The following PSPC1 variants were observed in gnomAD, a reference collection of about 807,000 sequenced individuals.
PSPC1 encodes paraspeckle component 1, also known as paraspeckle protein 1.
A neutral mutation model predicts 51.6 loss-of-function variants in PSPC1; 14 were observed. The ratio of observed to expected loss-of-function variants is 0.27; its 90% CI spans 0.18 to 0.42. The LOEUF is 0.42. PSPC1 is among the 10% of genes least tolerant of loss of function. The pLI is 1.00. For missense variants in PSPC1, 406 were observed against 701.1 expected, an observed-to-expected ratio of 0.58 and a Z score of 4.75; for synonymous variants, 193 against 231.9, an observed-to-expected ratio of 0.83 and a Z score of 1.53.
At chr13:19,724,770 G>A (rs767245177) in intron 6 of PSPC1, among the ~76,000 whole-genome samples, 8 of 152,104 alleles carry the variant, frequency 5.3e-5, no homozygotes, top group Non-Finnish European at 7.4e-5. Flanking sequence ...GAGGCCGAGC[G>A]GGCGGATCAC....
intron 5 of PSPC1, among the ~76,000 whole-genome samples, chr13:19,733,993 G>A (rs1036583730): frequency 1.1e-4 from 17 of 151,924 alleles, no homozygotes; most frequent in Admixed American, 2.0e-4. Context: ...ATAGAAGAGG[G>A]TATGAAAAAG....
downstream of PSPC1, chr13:19,702,359 T>C (rs1225963723): frequency 2.0e-5 from 3 of 150,842 alleles, no homozygotes; most frequent in African/African-American, 7.2e-5. Flanking sequence ...AACAGTATTG[T>C]TTTATTTTAA....
At chr13:19,730,150 A>G (rs1883864173) in intron 6 of PSPC1, 89 bp downstream of exon 6, 1 of 1,027,296 alleles carries the variant, frequency 9.7e-7, no homozygotes, top group African/African-American at 1.6e-5. Context: ...AGAAAAGACT[A>G]CTGTATAAAC....
chr13:19,690,893 T>C (rs1476497295), intron 6 of PSPC1, among the ~76,000 whole-genome samples: 1 of 152,226 alleles, frequency 6.6e-6, no homozygotes, highest in Non-Finnish European at 1.5e-5. Flanking sequence ...ATTCTTACTC[T>C]GACCCTTTAG....
intron 3 of PSPC1, among the ~76,000 whole-genome samples, chr13:19,754,888 A>G (rs575337855): frequency 6.6e-6 from 1 of 152,316 alleles, no homozygotes; most frequent in East Asian, 1.9e-4. Flanking sequence ...ATGGTGACCT[A>G]TAACAAGGAA....
downstream of PSPC1, among the ~76,000 whole-genome samples, chr13:19,700,380 T>A (rs1879755918): frequency 6.6e-6 from 1 of 152,108 alleles, no homozygotes. Flanking sequence ...ATTGTTCCCC[T>A]AATATTATTG....
Position 19,769,679 on chromosome 13 carries a change from G to A in PSPC1, c.674+2563C>T, listed in dbSNP as rs1326601990. ...GAACCCGGGAGGCAGACGTTGCAGC[G>A]AGCTGAGATCGCGCCATTGCACTCC... On this transcript the variant is annotated intron_variant, in intron 2 of 8. Coordinates refer to ENST00000338910, the MANE Select transcript of PSPC1 (RefSeq NM_001354909.2). 3.9e-5 allele frequency among the ~76,000 whole-genome samples: 6 copies of A among 152,228 alleles called. No homozygotes were observed. In the South Asian group the frequency reaches 1.0e-3, roughly 26 times the overall value.
rs1045335945 is a variant in PSPC1, at chr13:19,734,396, C to T, written c.1053-4052G>A. On this transcript the variant is annotated intron_variant, in intron 5 of 8. Coordinates refer to ENST00000338910, the MANE Select transcript of PSPC1 (RefSeq NM_001354909.2). ...AATATTCTTGCAGGATTCTGAAAGA[C>T]GCCTACTGGATGAAACCTCCTTGCT... 2.0e-5 allele frequency among the ~76,000 whole-genome samples: 3 copies of T among 152,198 alleles called. No individual in the cohort carries two copies. In the East Asian group the frequency reaches 5.8e-4, roughly 29 times the overall value.
intron 6 of PSPC1, among the ~76,000 whole-genome samples, chr13:19,709,980 G>A (rs1241117318): frequency 1.4e-4 from 21 of 152,238 alleles, no homozygotes; most frequent in African/African-American, 5.1e-4. Context: ...GGTCACTGAA[G>A]TCTTAAAATA....
intron 5 of PSPC1, among the ~76,000 whole-genome samples, chr13:19,735,107 T>A (rs905752958): frequency 6.6e-6 from 1 of 151,598 alleles, no homozygotes; most frequent in African/African-American, 2.4e-5. Flanking sequence ...AGGTCAAGGG[T>A]TTGCGACCAG....
intron 1 of PSPC1, among the ~76,000 whole-genome samples, chr13:19,772,792 G>A (rs1017966290): frequency 7.2e-5 from 11 of 152,086 alleles, no homozygotes; most frequent in Admixed American, 2.0e-4. Context: ...TCTTCATAAG[G>A]CCAGTTACCA....
At chr13:19,714,996 T>G (rs1231001284) in intron 6 of PSPC1, among the ~76,000 whole-genome samples, 1 of 152,190 alleles carries the variant, frequency 6.6e-6, no homozygotes, top group Non-Finnish European at 1.5e-5. Context: ...CAACCATTTT[T>G]TATAGAGCAA....
chr13:19,710,302 C>T (rs925532944), intron 6 of PSPC1, among the ~76,000 whole-genome samples: 2 of 152,168 alleles, frequency 1.3e-5, no homozygotes, highest in African/African-American at 2.4e-5. Context: ...AATTTCATTA[C>T]AGAAACTGCT....
intron 2 of PSPC1, among the ~76,000 whole-genome samples, chr13:19,767,841 GAACA>G (rs1026602139): frequency 2.6e-4 from 39 of 151,922 alleles, no homozygotes; most frequent in African/African-American, 9.2e-4. Flanking sequence ...GACACAAAAA[GAACA>G]AACCATACAA....
rs180846872 is a variant in PSPC1 at position 19,692,299 on chromosome 13, T to C, written c.1159-14476A>G. ...TCACCATGCCCGGCTACTCTTTTAG[T>C]AGAGATGGGGTTTTGCCATCTTGCC... On this transcript the variant is annotated intron_variant and NMD_transcript_variant, in intron 6 of 7. Transcript: ENST00000471658. Among the ~76,000 whole-genome samples, 8 of 152,172 alleles carry C rather than the reference T, an allele frequency of 5.3e-5. No homozygotes were observed. In the East Asian group the frequency reaches 1.6e-3, roughly 30 times the overall value.
intron 6 of PSPC1, among the ~76,000 whole-genome samples, chr13:19,728,566 C>T (rs1883658370): frequency 6.6e-6 from 1 of 152,020 alleles, no homozygotes; most frequent in South Asian, 2.1e-4. Flanking sequence ...GGCCTCAATG[C>T]ATTCTTAATA....
At chr13:19,711,630 T>C (rs1416755012) in intron 6 of PSPC1, among the ~76,000 whole-genome samples, 16 of 90,212 alleles carry the variant, frequency 1.8e-4, no homozygotes, top group South Asian at 1.7e-3. Context: ...AAAGAGAGAC[T>C]CCGTCTCATA....
intron 2 of PSPC1, among the ~76,000 whole-genome samples, chr13:19,768,808 G>A (rs1028439184): frequency 2.0e-4 from 30 of 150,794 alleles, no homozygotes; most frequent in African/African-American, 7.4e-4. Flanking sequence ...CAATGAGATT[G>A]CGCTAAACTA....
At chr13:19,717,267 C>T (rs1882209310) in intron 6 of PSPC1, among the ~76,000 whole-genome samples, 1 of 151,296 alleles carries the variant, frequency 6.6e-6, no homozygotes, top group African/African-American at 2.4e-5. Flanking sequence ...TGAATCTTTT[C>T]TAATAAAAGT....
Sources: allele counts gnomAD v4.1 joint callset (sites outside exome capture counted in the v4.1 genomes callset), GRCh38; gene constraint gnomAD v4.1.1; transcripts MANE v1.5; gene names NCBI Gene and HGNC (gene_info 2026-07-23, HGNC 2026-07-21).